Variants in STXBP4 observed in about 807,000 individuals in gnomAD.
The protein encoded by STXBP4 is syntaxin-binding protein 4.
Under a neutral mutation model 76.1 loss-of-function variants are expected in STXBP4, and 55 were observed. The observed-to-expected ratio is 0.72, with a 90% CI of 0.58 to 0.91. The LOEUF is 0.91. Among genes scored for constraint, STXBP4 ranks in the 40% least tolerant of loss-of-function variants. The probability of loss-of-function intolerance (pLI) is 0.00; values close to 1 mark genes in which losing one functional copy is unlikely to be tolerated. For missense variants in STXBP4, 618 were observed against 636.9 expected, an observed-to-expected ratio of 0.97 and a Z score of 0.32; for synonymous variants, 201 against 220.2, an observed-to-expected ratio of 0.91 and a Z score of 0.77.
At chr17:54,994,189 A>G (rs892410883) in intron 4 of STXBP4, among the ~76,000 whole-genome samples, 1 of 152,342 alleles carries the variant, frequency 6.6e-6, no homozygotes. Flanking sequence ...GAGAGCTCCA[A>G]GGCCCTTTCA....
At chr17:55,099,783 T>C (rs931860605) in intron 16 of STXBP4, among the ~76,000 whole-genome samples, 1 of 152,196 alleles carries the variant, frequency 6.6e-6, no homozygotes. Flanking sequence ...AAGCTCGGTA[T>C]TGAAGTAGGT....
chr17:55,062,673 C>T (rs990895248), intron 12 of STXBP4, among the ~76,000 whole-genome samples: 1 of 152,194 alleles, frequency 6.6e-6, no homozygotes, highest in Non-Finnish European at 1.5e-5. Context: ...GAAATCTCCA[C>T]ACTGTCTTCC....
chr17:55,155,734 T>C (rs2145186888), intron 17 of STXBP4, among the ~76,000 whole-genome samples: 1 of 152,290 alleles, frequency 6.6e-6, no homozygotes, highest in Non-Finnish European at 1.5e-5. Flanking sequence ...ATCCTTTTTG[T>C]TTAACAGGTT....
chr17:54,999,558 C>A, intron 5 of STXBP4, 74 bp from the exon 6 acceptor site: 1 of 1,474,592 alleles, frequency 6.8e-7, no homozygotes, highest in Non-Finnish European at 9.3e-7. Context: ...TTAATAACAT[C>A]TGAAACATTA....
intron 12 of STXBP4, among the ~76,000 whole-genome samples, chr17:55,063,690 G>A (rs1417310522): frequency 2.0e-5 from 3 of 152,074 alleles, no homozygotes; most frequent in East Asian, 1.9e-4. Flanking sequence ...GAGCAAAATC[G>A]TCACTTTCTA....
intron 8 of STXBP4, among the ~76,000 whole-genome samples, chr17:55,015,655 G>T (rs951882382): frequency 1.3e-5 from 2 of 151,954 alleles, no homozygotes; most frequent in Admixed American, 6.6e-5. Flanking sequence ...GCATAATCGG[G>T]GAATATTGGC....
In STXBP4 at chr17:55,169,987, T is replaced by C. The variant is rs1452994513; in HGVS notation, c.*10076T>C. The C allele has an allele frequency of 6.6e-6, 1 of 152,238 alleles. No individual in the cohort carries two copies. The highest frequency in any genetic ancestry group is 1.5e-5 in the Non-Finnish European group (1 of 68,042). 9.4% of individuals were successfully genotyped at this position (152,238 alleles called of 1,614,324 possible). ...CTTCCTTAGAATTATTGATTAATTA[T>C]TTAAGATACAATAAAACCAAAGTAT... On this transcript the variant is annotated 3_prime_UTR_variant, in exon 18 of 18. Transcript: ENST00000376352.
intron 16 of STXBP4, among the ~76,000 whole-genome samples, chr17:55,081,395 C>T (rs535214489): frequency 9.2e-5 from 14 of 152,260 alleles, no homozygotes; most frequent in African/African-American, 3.4e-4. Context: ...TTTACATCCA[C>T]TTCCACCCAA....
intron 16 of STXBP4, among the ~76,000 whole-genome samples, chr17:55,114,128 G>A (rs2079755265): frequency 6.6e-6 from 1 of 151,912 alleles, no homozygotes; most frequent in African/African-American, 2.4e-5. Context: ...TCATTTGGAA[G>A]GCTTCCTACC....
chr17:55,061,099 T>C (rs1222790862), intron 12 of STXBP4, among the ~76,000 whole-genome samples: 5 of 152,160 alleles, frequency 3.3e-5, no homozygotes, highest in African/African-American at 7.2e-5. Flanking sequence ...GGCAGAAATA[T>C]AAGGTCAAAT....
chr17:55,107,838 G>A (rs1288774463), intron 16 of STXBP4, among the ~76,000 whole-genome samples: 1 of 152,340 alleles, frequency 6.6e-6, no homozygotes. Flanking sequence ...GAGCTCTCCT[G>A]TATGAGGTGT....
chr17:55,048,348 G>A (rs1025402901), intron 12 of STXBP4, among the ~76,000 whole-genome samples: 2 of 151,882 alleles, frequency 1.3e-5, no homozygotes, highest in Admixed American at 6.6e-5. Context: ...ACAGAAGAGA[G>A]TGCTCTTGAA....
Position 54,968,795 on chromosome 17 carries a change from G to A in STXBP4, c.-177G>A. 1.2e-6 allele frequency: 1 copy of A among 863,692 alleles called. No homozygotes were observed. 53.5% of individuals were successfully genotyped at this position (863,692 alleles called of 1,614,324 possible). A position where few individuals can be genotyped will look rare whatever the true frequency, so the allele number is the denominator to read the frequency against. ...GCAGCGCTTGCAGTCGGGCTACGGAGGCCGGGTTGCCAGATTACGGGTAAG... is the reference window on the plus strand; with the variant it reads ...GCAGCGCTTGCAGTCGGGCTACGGAAGCCGGGTTGCCAGATTACGGGTAAG... On this transcript the variant is annotated 5_prime_UTR_variant, in exon 1 of 18. Transcript: ENST00000376352.
Position 55,164,980 on chromosome 17 carries a change from A to G in STXBP4, c.*5069A>G, listed in dbSNP as rs545314587. ...TGTTTCTAGCCCTTGTGTAATTCGTATTCTATGCAAAGGATATACGATTGA... is the reference window on the plus strand; with the variant it reads ...TGTTTCTAGCCCTTGTGTAATTCGTGTTCTATGCAAAGGATATACGATTGA... On this transcript the variant is annotated 3_prime_UTR_variant, in exon 18 of 18. Transcript: ENST00000376352. The G allele has an allele frequency of 1.3e-5, 2 of 152,298 alleles. No homozygotes were observed. The highest frequency in any genetic ancestry group is 1.3e-4 in the Admixed American group (2 of 15,298). 9.4% of individuals were successfully genotyped at this position (152,298 alleles called of 1,614,324 possible). A position where few individuals can be genotyped will look rare whatever the true frequency, so the allele number is the denominator to read the frequency against.
At chr17:55,036,079 C>T (rs1222982944) in intron 10 of STXBP4, among the ~76,000 whole-genome samples, 1 of 151,998 alleles carries the variant, frequency 6.6e-6, no homozygotes, top group East Asian at 1.9e-4. Context: ...TAACTGTAGT[C>T]GCCATGTTGT....
chr17:55,025,092 G>T (rs28415868), intron 8 of STXBP4, among the ~76,000 whole-genome samples: 2,175 of 150,306 alleles, frequency 0.014, 52 homozygotes, highest in African/African-American at 0.05. Flanking sequence ...AGTGAGCCGA[G>T]ATCTCACCAC....
intron 4 of STXBP4, among the ~76,000 whole-genome samples, chr17:54,994,378 C>T (rs1475957418): frequency 1.3e-5 from 2 of 152,182 alleles, no homozygotes; most frequent in Non-Finnish European, 2.9e-5. Flanking sequence ...TACATCACAC[C>T]ATATTCTGCT....
chr17:55,201,240 A>C, the STXBP4 span, among the ~76,000 whole-genome samples: 26 of 152,356 alleles, frequency 1.7e-4, 1 homozygote, highest in South Asian at 3.3e-3. Flanking sequence ...GTGCAATGTT[A>C]AAGTCAGCTA....
At chr17:55,057,854 T>G (rs1419454930) in intron 12 of STXBP4, among the ~76,000 whole-genome samples, 1 of 152,170 alleles carries the variant, frequency 6.6e-6, no homozygotes, top group Non-Finnish European at 1.5e-5. Flanking sequence ...GTTTCCAGCT[T>G]CATCCATGTA....
Sources: gnomAD v4.1 joint callset for allele counts (sites outside exome capture counted in the v4.1 genomes callset) on GRCh38, gnomAD v4.1.1 for gene constraint, MANE v1.5 for transcripts, NCBI Gene and HGNC (gene_info 2026-07-23, HGNC 2026-07-21) for gene names.